WAPL: variants seen among roughly 807,000 people sequenced by gnomAD.
WAPL encodes the protein wings apart-like protein homolog.
WAPL carries 5 observed loss-of-function variants against 121.0 expected under a neutral mutation model. That is an observed-to-expected ratio of 0.04 (90% CI 0.02 to 0.09). The LOEUF (loss-of-function observed/expected upper bound fraction) is 0.09. Among genes scored for constraint, WAPL ranks in the 10% least tolerant of loss-of-function variants. The pLI, the probability that WAPL is intolerant of heterozygous loss-of-function variation, is 1.00. For missense variants in WAPL, 999 were observed against 1,410.8 expected (o/e 0.71, Z 4.68); for synonymous variants, 480 against 481.5 (o/e 1.00, Z 0.04).
chr10:86,513,669 G>A (rs900446607), intron 2 of WAPL, among the ~76,000 whole-genome samples: 15 of 151,432 alleles, frequency 9.9e-5, no homozygotes, highest in African/African-American at 3.6e-4. Context: ...TTTTAACAGT[G>A]TCAAAAAAAT....
At chr10:86,485,461 C>T (rs1841911216) in intron 4 of WAPL, among the ~76,000 whole-genome samples, 1 of 151,986 alleles carries the variant, frequency 6.6e-6, no homozygotes, top group Admixed American at 6.6e-5. Context: ...CACTTGAACC[C>T]AAGAGACAGA....
At chr10:86,471,823 T>C (rs967054561) in intron 7 of WAPL, among the ~76,000 whole-genome samples, 3 of 152,134 alleles carry the variant, frequency 2.0e-5, no homozygotes, top group South Asian at 2.1e-4. Context: ...TTTGTAGACA[T>C]GGGGTCTCAC....
chr10:86,517,393 T>C (rs1002574160), intron 2 of WAPL, among the ~76,000 whole-genome samples, 178 bp downstream of exon 2: 1 of 152,234 alleles, frequency 6.6e-6, no homozygotes, highest in Non-Finnish European at 1.5e-5. Context: ...AAGTTGTTTA[T>C]TTCAACCTCC....
At chr10:86,484,284 C>G (rs1392333039) in intron 4 of WAPL, among the ~76,000 whole-genome samples, 1 of 152,046 alleles carries the variant, frequency 6.6e-6, no homozygotes, top group African/African-American at 2.4e-5. Flanking sequence ...TTGCTTGAGC[C>G]CAGGAGTTCA....
chr10:86,512,128 T>G (rs1365181793), intron 2 of WAPL, among the ~76,000 whole-genome samples: 1 of 152,178 alleles, frequency 6.6e-6, no homozygotes. Context: ...AATGACAATC[T>G]CATCTCAGAT....
At position 86,485,035 on chromosome 10, in the gene WAPL, GCT is replaced by G. The variant is rs536145547; in HGVS notation, c.1645-11064_1645-11063del. ...CACGCATGTGCGTGTGCTCACTCGT[GCT>G]CTCTCTCTCCCCTCCCCCGTCCCTC... On this transcript the variant is annotated intron_variant, in intron 4 of 18. Transcript: ENST00000298767. 3.4e-3 allele frequency among the ~76,000 whole-genome samples: 520 copies of G among 151,224 alleles called. 7 individuals are homozygous for G. Among genetic ancestry groups the G allele is most frequent in the Middle Eastern group, 0.024 (7 of 294 alleles).
chr10:86,503,153 G>T (rs1232435365), intron 2 of WAPL, among the ~76,000 whole-genome samples: 1 of 151,714 alleles, frequency 6.6e-6, no homozygotes, highest in Non-Finnish European at 1.5e-5. Context: ...GCGAGACTCT[G>T]TTTAAAAGAA....
At chr10:86,493,263 C>A (rs1017988364) in intron 4 of WAPL, among the ~76,000 whole-genome samples, 1 of 152,020 alleles carries the variant, frequency 6.6e-6, no homozygotes, top group Non-Finnish European at 1.5e-5. Context: ...TATATAACCA[C>A]AGGTATGAGA....
In WAPL at chr10:86,513,525, G is replaced by A. The variant is rs575555451; in HGVS notation, c.499+4046C>T. On this transcript the variant is annotated intron_variant, in intron 2 of 18. Transcript: ENST00000298767. ...TTTTTGTATTTTTTTTAGTAAAGAC[G>A]GGGTTTCACCATGTTGGTCAGGCTG... Among the ~76,000 whole-genome samples, 8 of 152,076 alleles carry A rather than the reference G, an allele frequency of 5.3e-5. No homozygotes were observed. The East Asian group carries it at 5.8e-4, about 11-fold the overall frequency.
At chr10:86,510,142 T>C (rs760562689) in intron 2 of WAPL, among the ~76,000 whole-genome samples, 13 of 148,436 alleles carry the variant, frequency 8.8e-5, no homozygotes, top group Admixed American at 4.1e-4. Context: ...TGGCATGATC[T>C]TGACTCACTG....
At chr10:86,447,736 G>A (rs183972186) in intron 15 of WAPL, among the ~76,000 whole-genome samples, 1 of 152,244 alleles carries the variant, frequency 6.6e-6, no homozygotes, top group Non-Finnish European at 1.5e-5. Context: ...AGGAAATTAT[G>A]CCCACAGACA....
intron 9 of WAPL, among the ~76,000 whole-genome samples, chr10:86,464,357 T>C (rs1441744289): frequency 4.6e-5 from 7 of 152,160 alleles, no homozygotes; most frequent in Admixed American, 4.6e-4. Context: ...ATAAGACAAA[T>C]TCAATTATCA....
At chr10:86,499,696 T>C (rs1351249892) in intron 3 of WAPL, 22 bp downstream of exon 3, 3 of 1,534,224 alleles carry the variant, frequency 2.0e-6, no homozygotes, top group South Asian at 1.3e-5. Context: ...GTACTTATTA[T>C]ACATATTTTT....
chr10:86,513,959 A>G (rs1215463446), intron 2 of WAPL, among the ~76,000 whole-genome samples: 1 of 152,222 alleles, frequency 6.6e-6, no homozygotes, highest in African/African-American at 2.4e-5. Context: ...TCTGAGACCC[A>G]AGTAGGTACA....
In WAPL at chr10:86,475,869, A is replaced by AT. The variant is rs575588169; in HGVS notation, c.1645-1897dup. Among the ~76,000 whole-genome samples the AT allele has an allele frequency of 2.5e-3, 381 of 152,308 alleles. 2 individuals carry two copies. Among genetic ancestry groups the AT allele is most frequent in the African/African-American group, 8.7e-3 (361 of 41,576 alleles). ...AGAATGAGTGCCTCAAAGCTCAAGCATTTTACTTCTTTTTAAAAAGCATTG... is the reference window on the plus strand; with the variant it reads ...AGAATGAGTGCCTCAAAGCTCAAGCATTTTTACTTCTTTTTAAAAAGCATTG... On this transcript the variant is annotated intron_variant, in intron 4 of 18. Coordinates refer to ENST00000298767, the MANE Select transcript of WAPL (RefSeq NM_015045.5).
intron 10 of WAPL, 30 bp downstream of exon 10, chr10:86,461,146 A>T: frequency 6.6e-7 from 1 of 1,517,450 alleles, no homozygotes; most frequent in Non-Finnish European, 9.1e-7. Flanking sequence ...TAAATAATAT[A>T]TAAAAACATT....
intron 15 of WAPL, among the ~76,000 whole-genome samples, chr10:86,448,007 C>T (rs766481574): frequency 4.0e-5 from 6 of 151,774 alleles, no homozygotes; most frequent in Admixed American, 6.6e-5. Flanking sequence ...GAGATGGTGC[C>T]GCTGCACTCC....
At chr10:86,502,833 A>G (rs1045845325) in intron 2 of WAPL, among the ~76,000 whole-genome samples, 4 of 152,184 alleles carry the variant, frequency 2.6e-5, no homozygotes, top group African/African-American at 7.2e-5. Context: ...ATACCAAACT[A>G]TATTACACTA....
chr10:86,442,884 C>G (rs1390175413), intron 17 of WAPL, among the ~76,000 whole-genome samples: 2 of 151,394 alleles, frequency 1.3e-5, no homozygotes, highest in Non-Finnish European at 2.9e-5. Flanking sequence ...CCAAAAAATA[C>G]AAAAAAAAGT....
Sources: allele counts gnomAD v4.1 joint callset (sites outside exome capture counted in the v4.1 genomes callset), GRCh38; gene constraint gnomAD v4.1.1; transcripts MANE v1.5; gene names NCBI Gene and HGNC (gene_info 2026-07-23, HGNC 2026-07-21).